Variants in DHX38 observed in about 807,000 individuals in gnomAD.
The protein encoded by DHX38 is DEAH-box helicase 38.
A neutral mutation model predicts 153.1 loss-of-function variants in DHX38; 100 were observed. That is an observed-to-expected ratio of 0.65 (90% confidence interval 0.56 to 0.77). The LOEUF is 0.77. Among genes scored for constraint, DHX38 ranks in the 30% least tolerant of loss-of-function variants. DHX38 has a pLI of 0.00. For synonymous variants in DHX38, 650 were observed against 631.7 expected (o/e 1.03, Z -0.43); for missense variants, 1,440 against 1,654.0 (o/e 0.87, Z 2.24).
rs1356653514 is a variant in DHX38, at chr16:72,107,201, A to C, written c.2601-139A>C. ...CTAAATTGGCAGATTGGAGTTTTGAATAGGTGGAAGTCAGTGATTCACTGA... is the reference window on the plus strand; with the variant it reads ...CTAAATTGGCAGATTGGAGTTTTGACTAGGTGGAAGTCAGTGATTCACTGA... On this transcript the variant is annotated intron_variant, in intron 19 of 26. Transcript: ENST00000268482. The surrounding 1 kb of genome is among the most constrained non-coding windows in gnomAD (Gnocchi z 5.3). The C allele has an allele frequency of 1.2e-6, 1 of 864,138 alleles. No homozygotes were observed. Among genetic ancestry groups the C allele is most frequent in the Non-Finnish European group, 1.8e-6 (1 of 571,116 alleles). 53.5% of individuals were successfully genotyped at this position (864,138 alleles called of 1,614,324 possible).
Position 72,104,427 on chromosome 16 carries a change from T to G in DHX38, c.2011-59T>G. On this transcript the variant is annotated intron_variant, in intron 14 of 26. Transcript: ENST00000268482. The surrounding 1 kb of genome is among the most constrained non-coding windows in gnomAD (Gnocchi z 4.5). ...TCCTCGGGGGTGGTGCTGATGGGACTGGGGGACAGGAGCCAAGGGTCCCCA... is the reference window on the plus strand; with the variant it reads ...TCCTCGGGGGTGGTGCTGATGGGACGGGGGGACAGGAGCCAAGGGTCCCCA... 2 of 1,602,226 alleles carry G rather than the reference T, an allele frequency of 1.2e-6. No homozygotes were observed. The highest frequency in any genetic ancestry group is 1.7e-6 in the Non-Finnish European group (2 of 1,176,876).
At position 72,105,334 on chromosome 16, in the gene DHX38, A is replaced by G. The variant is rs771096826; in HGVS notation, c.2365A>G (p.Lys789Glu). 7.4e-6 allele frequency: 12 copies of G among 1,614,148 alleles called. No individual in the cohort carries two copies. Among genetic ancestry groups the G allele is most frequent in the Non-Finnish European group, 9.3e-6 (11 of 1,179,982 alleles). ...TCAGCTGCCTTCTGACCTCCAGGCC[A>G]AAATCTTCCAGAAGGTGTGTCAGCA... The part of the protein sequence containing the change: ...YSQLPSDLQA[K>E]IFQKAPDGVR... The change falls in exon 17 of 27, where the codon AAA (lysine) becomes GAA (glutamate). Residue 789 changes from lysine to glutamate, a missense_variant. By Grantham distance (56) the Lys-to-Glu change is moderately conservative. Coordinates refer to ENST00000268482, the MANE Select transcript of DHX38 (RefSeq NM_014003.4).
chr16:72,100,039 G>T (rs1597441116), intron 8 of DHX38, 152 bp downstream of exon 8: 2 of 1,055,532 alleles, frequency 1.9e-6, no homozygotes, highest in East Asian at 2.6e-5. Flanking sequence ...AGTGGGTGAT[G>T]AGCCTTTTAG....
rs760573885 is a variant in DHX38 at position 72,104,583 on chromosome 16, A to G, written c.2108A>G (p.His703Arg). The G allele has an allele frequency of 9.9e-6, 16 of 1,614,030 alleles. No individual in the cohort carries two copies. In the South Asian group the frequency reaches 1.4e-4, roughly 14 times the overall value. The part of the protein sequence containing the change: ...AAFFGNVPIF[H>R]IPGRTFPVDI... ...TTTTTTGGGAATGTCCCCATCTTCC[A>G]CATCCCTGGCCGTACCTTCCCTGTT... The change falls in exon 15 of 27, where the codon CAC (histidine) becomes CGC (arginine). Residue 703 changes from histidine (H) to arginine (R), a missense_variant. Physicochemically the swap from His to Arg is conservative, Grantham distance 29. This residue lies in a region of DHX38 where 543 missense variants were observed against 717.9 expected (regional missense o/e 0.76). Transcript: ENST00000268482. The surrounding 1 kb of genome is among the most constrained non-coding windows in gnomAD (Gnocchi z 4.5).
chr16:72,099,607 C>A, intron 7 of DHX38, 125 bp from the exon 8 acceptor site: 1 of 1,339,928 alleles, frequency 7.5e-7, no homozygotes, highest in Non-Finnish European at 1.0e-6. Context: ...CTCTCCTGCA[C>A]CCCTCACAAG....
In DHX38 at chr16:72,105,512, T is replaced by C. The variant is rs2042163304; in HGVS notation, c.2380-5T>C. On this transcript the variant is annotated splice_region_variant and splice_polypyrimidine_tract_variant and intron_variant, in intron 17 of 26. Transcript: ENST00000268482. ...ATTTTTCCCTTCCTGTATGTCCTGC[T>C]CTAGGCTCCAGATGGCGTTCGGAAG... 3 of 1,614,038 alleles carry C rather than the reference T, an allele frequency of 1.9e-6. No individual in the cohort carries two copies. The African/African-American group carries it at 4.0e-5, about 22-fold the overall frequency.
chr16:72,105,722 G>T, intron 18 of DHX38, 98 bp downstream of exon 18: 1 of 1,229,440 alleles, frequency 8.1e-7, no homozygotes, highest in South Asian at 1.2e-5. Context: ...CCTGGGATGT[G>T]GGGAGCGCGT....
chr16:72,099,165 G>T (rs759882935), intron 6 of DHX38, 39 bp from the exon 7 acceptor site: 7 of 1,596,708 alleles, frequency 4.4e-6, no homozygotes, highest in Non-Finnish European at 3.4e-6. Context: ...CTGGGGACAG[G>T]CCAGGGCATG....
chr16:72,105,165 A>G (rs756903341), intron 16 of DHX38, 28 bp downstream of exon 16: 6 of 1,613,724 alleles, frequency 3.7e-6, no homozygotes, highest in Admixed American at 3.3e-5. Flanking sequence ...GACTGTGATG[A>G]GCGGGTGTGT....
chr16:72,098,851 G>C (rs1327200073), intron 5 of DHX38, 59 bp downstream of exon 5: 4 of 1,613,428 alleles, frequency 2.5e-6, no homozygotes. Context: ...AGCCTCGGCA[G>C]GGAGAGCAGA....
Position 72,105,325 on chromosome 16 carries a change from C to A in DHX38, c.2356C>A (p.Leu786Ile). 6.2e-7 allele frequency: 1 copy of A among 1,614,182 alleles called. No homozygotes were observed. Among genetic ancestry groups the A allele is most frequent in the Non-Finnish European group, 8.5e-7 (1 of 1,180,038 alleles). ...CATCTACTCTCAGCTGCCTTCTGACCTCCAGGCCAAAATCTTCCAGAAGGT... is the reference window on the plus strand; with the variant it reads ...CATCTACTCTCAGCTGCCTTCTGACATCCAGGCCAAAATCTTCCAGAAGGT... ...LPIYSQLPSD[L>I]QAKIFQKAPD... The change falls in exon 17 of 27, where the codon CTC becomes ATC. Residue 786 changes from leucine (L) to isoleucine (I), a missense_variant. Coordinates refer to ENST00000268482, the MANE Select transcript of DHX38 (RefSeq NM_014003.4).
chr16:72,107,399 A>C lies in DHX38; in HGVS notation c.2660A>C (p.Gln887Pro). ...CTGACCACCACAGTGCCCGAGATCC[A>C]GAGGACTAACCTGGCCAACGTGGTG... ...ELLTTTVPEIQRTNLANVVLL... is the reference protein window; with the variant it reads ...ELLTTTVPEIPRTNLANVVLL... Residue 887 changes from glutamine to proline, a missense_variant, in exon 20 of 27, where the codon CAG becomes CCG. Around this residue, in one of 6 missense-constraint regions of DHX38, gnomAD observed 543 missense variants for 717.9 expected, o/e 0.76. Transcript: ENST00000268482. This position sits in a 1 kb window ranked among gnomAD's most constrained non-coding sequence, Gnocchi z 5.3. The C allele has an allele frequency of 6.2e-7, 1 of 1,614,004 alleles. No homozygotes were observed. The highest frequency in any genetic ancestry group is 8.5e-7 in the Non-Finnish European group (1 of 1,180,030).
chr16:72,096,238 C>T lies in DHX38; in HGVS notation c.81C>T (p.Cys27=). The change falls in exon 2 of 27, where the codon TGC becomes TGT. Residue 27 remains cysteine, a synonymous_variant. Transcript: ENST00000268482. ...ACTGTCAGGTTGGTGGTCTTATTTG[C>T]AAGTCCAAAAGTGCGGCCAGCGAGC... The part of the protein sequence containing the change: ...DLDCQVGGLI[C]KSKSAASEQH... 1 of 1,614,172 alleles carries T rather than the reference C, an allele frequency of 6.2e-7. No homozygotes were observed. Among genetic ancestry groups the T allele is most frequent in the Non-Finnish European group, 8.5e-7 (1 of 1,180,038 alleles).
intron 25 of DHX38, among the ~76,000 whole-genome samples, chr16:72,110,740 C>G (rs554511339): frequency 6.6e-6 from 1 of 152,300 alleles, no homozygotes; most frequent in East Asian, 1.9e-4. Flanking sequence ...TGAGGGATGA[C>G]TGAGTTAGGA....
At position 72,099,029 on chromosome 16, in the gene DHX38, T is replaced by A; in HGVS notation, c.867T>A (p.Arg289=). The part of the protein sequence containing the change: ...DDRRHLGSTP[R]LSRGRGRREE... ...GAAGACACTTGGGGTCCACCCCGCG[T>A]CTGTCCAGGGGCCGAGGTGAGGCCT... Residue 289 remains arginine, a synonymous_variant, in exon 6 of 27, where the codon CGT becomes CGA. Transcript: ENST00000268482. 4 of 1,612,766 alleles carry A rather than the reference T, an allele frequency of 2.5e-6. No homozygotes were observed. Among genetic ancestry groups the A allele is most frequent in the Non-Finnish European group, 3.4e-6 (4 of 1,180,022 alleles).
At chr16:72,103,034 G>A (rs781478398) in intron 11 of DHX38, 40 bp from the exon 12 acceptor site, 1 of 1,607,852 alleles carries the variant, frequency 6.2e-7, no homozygotes. Flanking sequence ...GGACAGCATG[G>A]GGCACCATGC....
intron 17 of DHX38, 51 bp from the exon 18 acceptor site, chr16:72,105,466 C>T: frequency 6.2e-7 from 1 of 1,609,654 alleles, no homozygotes; most frequent in South Asian, 1.1e-5. Context: ...CTCGCGGAGC[C>T]TTTCCTGTCT....
At chr16:72,095,291 G>A (rs532835906) in intron 1 of DHX38, among the ~76,000 whole-genome samples, 2 of 152,330 alleles carry the variant, frequency 1.3e-5, no homozygotes, top group South Asian at 2.1e-4. Flanking sequence ...CTAACCTGGT[G>A]TTTCTCATAA....
intron 1 of DHX38, among the ~76,000 whole-genome samples, chr16:72,094,651 A>T: frequency 6.6e-6 from 1 of 152,214 alleles, no homozygotes; most frequent in Non-Finnish European, 1.5e-5. Flanking sequence ...TGTTCGTCTC[A>T]GCAGCTAATG....
Sources: allele counts gnomAD v4.1 joint callset (sites outside exome capture counted in the v4.1 genomes callset), GRCh38; gene constraint gnomAD v4.1.1; regional missense constraint gnomAD v4.1.1; non-coding constraint Gnocchi (gnomAD v3.1); transcripts MANE v1.5; gene names NCBI Gene and HGNC (gene_info 2026-07-23, HGNC 2026-07-21).